Variants in PDE1C observed in about 807,000 individuals in gnomAD.
PDE1C encodes the protein dual specificity calcium/calmodulin-dependent 3',5'-cyclic nucleotide phosphodiesterase 1C.
A neutral mutation model predicts 93.1 loss-of-function variants in PDE1C; 62 were observed. That is an observed-to-expected ratio of 0.67 (90% confidence interval 0.54 to 0.82). The LOEUF (loss-of-function observed/expected upper bound fraction) is 0.82. Ranked by LOEUF, PDE1C falls within the 40% of genes least tolerant of loss-of-function variation. The pLI, the probability that PDE1C is intolerant of heterozygous loss-of-function variation, is 0.00. For missense variants in PDE1C, 742 were observed against 884.6 expected, an observed-to-expected ratio of 0.84 and a Z score of 2.04; for synonymous variants, 325 against 310.1, an observed-to-expected ratio of 1.05 and a Z score of -0.50.
chr7:32,333,448 C>T (rs966678750), intron 1 of PDE1C, among the ~76,000 whole-genome samples: 5 of 152,096 alleles, frequency 3.3e-5, no homozygotes, highest in African/African-American at 7.2e-5. Context: ...AGAGTGATTC[C>T]CATAATCATC....
At position 32,358,897 on chromosome 7, in the gene PDE1C, C is replaced by CTGTGTGTGTG. The variant is rs71559224; in HGVS notation, c.310+68915_310+68924dup. 7.6e-5 allele frequency among the ~76,000 whole-genome samples: 11 copies of CTGTGTGTGTG among 145,408 alleles called. 1 individual carries two copies. The highest frequency in any genetic ancestry group is 2.3e-4 in the African/African-American group (9 of 39,908). ...CATCTAACATTGTGTGTGTGTGTGT[C>CTGTGTGTGTG]TGTGTGTGTGTGTGTGTGTAACAGT... On this transcript the variant is annotated intron_variant, in intron 1 of 1. Coordinates refer to the PDE1C transcript ENST00000672256.
At chr7:31,710,772 G>A in the PDE1C span, among the ~76,000 whole-genome samples, 2 of 152,186 alleles carry the variant, frequency 1.3e-5, no homozygotes, top group South Asian at 2.1e-4. Flanking sequence ...CACAGAAGAC[G>A]CATGAACTGA....
chr7:32,304,142 C>T (rs35173564), upstream of PDE1C, among the ~76,000 whole-genome samples: 18,077 of 152,126 alleles, frequency 0.12, 1,185 homozygotes, highest in East Asian at 0.18. Flanking sequence ...GCTAATCTCC[C>T]GGGTCCTCCA....
intron 3 of PDE1C, among the ~76,000 whole-genome samples, chr7:32,086,034 T>C (rs1797049241): frequency 1.3e-5 from 2 of 151,730 alleles, no homozygotes; most frequent in Admixed American, 6.6e-5. Flanking sequence ...AAATAAAGGG[T>C]ATTCAATTAG....
At chr7:31,619,773 C>T in the PDE1C span, among the ~76,000 whole-genome samples, 3 of 152,100 alleles carry the variant, frequency 2.0e-5, no homozygotes, top group East Asian at 2.0e-4. Flanking sequence ...GTGGGTGCAG[C>T]GCACCATGCA....
At chr7:32,093,818 A>C (rs951170968) in intron 3 of PDE1C, among the ~76,000 whole-genome samples, 4 of 152,214 alleles carry the variant, frequency 2.6e-5, no homozygotes, top group African/African-American at 9.6e-5. Context: ...CCTCGCTGAA[A>C]GCTGCTGTGT....
intron 3 of PDE1C, among the ~76,000 whole-genome samples, chr7:32,163,963 A>C (rs1177901703): frequency 6.6e-6 from 1 of 152,204 alleles, no homozygotes; most frequent in Admixed American, 6.5e-5. Context: ...GCAGCCCCCA[A>C]AGCCCATTAT....
chr7:32,345,609 G>A (rs1434956345), intron 1 of PDE1C, among the ~76,000 whole-genome samples: 1 of 152,110 alleles, frequency 6.6e-6, no homozygotes, highest in Non-Finnish European at 1.5e-5. Flanking sequence ...TAACTGAAAT[G>A]ACTTGTATTC....
At chr7:31,688,540 G>A in the PDE1C span, among the ~76,000 whole-genome samples, 1 of 152,150 alleles carries the variant, frequency 6.6e-6, no homozygotes, top group African/African-American at 2.4e-5. Flanking sequence ...TCCCTTTTCT[G>A]GCACCCAGTT....
intron 1 of PDE1C, among the ~76,000 whole-genome samples, chr7:32,421,697 A>G (rs979563710): frequency 1.3e-5 from 2 of 152,220 alleles, no homozygotes; most frequent in Non-Finnish European, 2.9e-5. Context: ...GTCATCAATA[A>G]TAAGTAAAAA....
chr7:31,647,707 A>AGAAGAAGACGATGACGAC, the PDE1C span, among the ~76,000 whole-genome samples: 1 of 149,852 alleles, frequency 6.7e-6, no homozygotes. Context: ...AAGAGGAAGA[A>AGAAGAAGACGATGACGAC]GAAGACGATG....
chr7:32,007,935 TATA>T (rs1786503350), intron 2 of PDE1C, among the ~76,000 whole-genome samples: 1 of 152,218 alleles, frequency 6.6e-6, no homozygotes. Flanking sequence ...TAGAAGCTAA[TATA>T]ATAGGAATTT....
chr7:32,262,196 G>T (rs974773402), intron 1 of PDE1C, among the ~76,000 whole-genome samples: 3 of 151,880 alleles, frequency 2.0e-5, no homozygotes, highest in African/African-American at 7.3e-5. Flanking sequence ...AATAATTTTT[G>T]ACATTAATTT....
At chr7:31,993,751 G>C (rs540154781) in intron 2 of PDE1C, among the ~76,000 whole-genome samples, 77 of 152,270 alleles carry the variant, frequency 5.1e-4, no homozygotes, top group African/African-American at 1.5e-3. Context: ...CCTAAGCTCT[G>C]CTAAAACTTA....
At chr7:32,314,781 A>G (rs1042784737) in intron 1 of PDE1C, among the ~76,000 whole-genome samples, 2 of 152,120 alleles carry the variant, frequency 1.3e-5, no homozygotes, top group African/African-American at 4.8e-5. Flanking sequence ...CAGGCAGCCC[A>G]AAAGGGAACA....
chr7:32,024,256 T>C (rs1789105960), intron 2 of PDE1C, among the ~76,000 whole-genome samples: 1 of 152,074 alleles, frequency 6.6e-6, no homozygotes, highest in African/African-American at 2.4e-5. Context: ...CTAAAATTGA[T>C]GAAAACCTGA....
At chr7:31,848,193 T>G in intron 8 of PDE1C, 97 bp from the exon 9 acceptor site, 1 of 1,238,358 alleles carries the variant, frequency 8.1e-7, no homozygotes, top group Non-Finnish European at 1.1e-6. Context: ...TTTTTCCATG[T>G]TTAGAAATTA....
chr7:32,348,602 A>G lies in PDE1C; in HGVS notation c.310+79220T>C, dbSNP rs1316913884. Among the ~76,000 whole-genome samples, 4 of 152,080 alleles carry G rather than the reference A, an allele frequency of 2.6e-5. No individual in the cohort carries two copies. In the East Asian group the frequency reaches 7.8e-4, roughly 29 times the overall value. Reference sequence around the variant, plus strand: ...ATGGTCTTGATCTCCTGACCTTGTGATCCTCCTGACTCGGCCTCCCAAAGT... The same window carrying G: ...ATGGTCTTGATCTCCTGACCTTGTGGTCCTCCTGACTCGGCCTCCCAAAGT... On this transcript the variant is annotated intron_variant, in intron 1 of 1. Transcript: ENST00000672256.
rs184111034 is a variant in PDE1C at position 31,952,251 on chromosome 7, A to G, written c.129-71391T>C. On this transcript the variant is annotated intron_variant, in intron 2 of 17. Transcript: ENST00000396191. Reference sequence around the variant, plus strand: ...AAGAATGTACCTATATTAGAGAACTACCTTTTTTTTTTCCTTTTGACAGAG... The same window carrying G: ...AAGAATGTACCTATATTAGAGAACTGCCTTTTTTTTTTCCTTTTGACAGAG... 1.6e-3 allele frequency among the ~76,000 whole-genome samples: 240 copies of G among 151,424 alleles called. 1 individual carries two copies. The highest frequency in any genetic ancestry group is 5.4e-3 in the African/African-American group (225 of 41,292).
Sources: allele counts gnomAD v4.1 joint callset (sites outside exome capture counted in the v4.1 genomes callset), GRCh38; gene constraint gnomAD v4.1.1; transcripts MANE v1.5; gene names NCBI Gene and HGNC (gene_info 2026-07-23, HGNC 2026-07-21).